The following SUPT3H variants were observed in gnomAD, a reference collection of about 807,000 sequenced individuals.
SUPT3H encodes the protein SPT3 homolog, SAGA and STAGA complex component, also known as transcription initiation protein SPT3 homolog.
SUPT3H carries 44 observed loss-of-function variants against 44.3 expected under a neutral mutation model. The observed-to-expected ratio is 0.99, with a 90% CI of 0.78 to 1.28. The LOEUF (loss-of-function observed/expected upper bound fraction) is 1.28, where lower values mean the gene tolerates loss of function less well. SUPT3H is among the 50% of genes most tolerant of loss of function. The probability of loss-of-function intolerance (pLI) is 0.00; values close to 1 mark genes in which losing one functional copy is unlikely to be tolerated. For synonymous variants in SUPT3H, 124 were observed against 125.6 expected (o/e 0.99, Z 0.09); for missense variants, 380 against 387.1 (o/e 0.98, Z 0.15).
At chr6:45,009,691 T>A (rs1424365457) in intron 5 of SUPT3H, among the ~76,000 whole-genome samples, 2 of 152,230 alleles carry the variant, frequency 1.3e-5, no homozygotes, top group Non-Finnish European at 2.9e-5. Context: ...ATGCCAGTAC[T>A]GCTCTATCGT....
intron 2 of SUPT3H, among the ~76,000 whole-genome samples, chr6:45,320,135 A>G (rs1264036884): frequency 2.6e-5 from 4 of 152,144 alleles, no homozygotes; most frequent in African/African-American, 9.6e-5. Context: ...TAACAATATT[A>G]TTAAAAAAAT....
At chr6:44,902,507 T>G (rs1049695769) in intron 10 of SUPT3H, among the ~76,000 whole-genome samples, 12 of 152,230 alleles carry the variant, frequency 7.9e-5, no homozygotes, top group Admixed American at 1.3e-4. Context: ...ATGCACCCAA[T>G]ACAGGAGCAC....
At chr6:45,061,393 C>T (rs1379048304) in intron 3 of SUPT3H, among the ~76,000 whole-genome samples, 2 of 152,086 alleles carry the variant, frequency 1.3e-5, no homozygotes, top group African/African-American at 2.4e-5. Context: ...GGGAGCCAAA[C>T]GATGAGAACA....
At chr6:45,280,464 C>A (rs923535276) in intron 2 of SUPT3H, among the ~76,000 whole-genome samples, 4 of 152,000 alleles carry the variant, frequency 2.6e-5, no homozygotes, top group African/African-American at 7.3e-5. Flanking sequence ...CAAGATCATG[C>A]CACTGCAAAA....
chr6:44,828,878 T>G lies in SUPT3H; in HGVS notation c.*938A>C, dbSNP rs1043651547. 6.6e-6 allele frequency: 1 copy of G among 152,630 alleles called. No homozygotes were observed. The highest frequency in any genetic ancestry group is 1.5e-5 in the Non-Finnish European group (1 of 68,036). The allele number at this position is 152,630 out of a possible 1,614,324, so 9.5% of individuals were successfully genotyped here. A position where few individuals can be genotyped will look rare whatever the true frequency, so the allele number is the denominator to read the frequency against. ...TTGCAACTGAAGTTTAATCAGGAAC[T>G]GTACAATTACATCTGCTATATTTTG... is the stretch of plus-strand genomic sequence containing the variant. On this transcript the variant is annotated 3_prime_UTR_variant, in exon 11 of 11. Coordinates refer to ENST00000371459, the MANE Select transcript of SUPT3H (RefSeq NM_003599.4).
intron 2 of SUPT3H, among the ~76,000 whole-genome samples, chr6:45,229,098 T>C (rs527623622): frequency 6.6e-6 from 1 of 152,308 alleles, no homozygotes; most frequent in Middle Eastern, 3.4e-3. Flanking sequence ...TAAAATCATA[T>C]ATAAAATCAA....
chr6:44,966,438 A>T (rs772168450), intron 6 of SUPT3H, among the ~76,000 whole-genome samples: 97 of 150,850 alleles, frequency 6.4e-4, no homozygotes, highest in Non-Finnish European at 1.2e-3. Context: ...TACATATTTA[A>T]AATATTTATA....
intron 10 of SUPT3H, among the ~76,000 whole-genome samples, chr6:44,855,534 G>T (rs1402813986): frequency 1.3e-5 from 2 of 152,084 alleles, no homozygotes; most frequent in Admixed American, 1.3e-4. Context: ...TCTGAAATGT[G>T]CCGTATTTGA....
chr6:45,331,640 T>A (rs1787536077), intron 2 of SUPT3H, among the ~76,000 whole-genome samples: 1 of 151,946 alleles, frequency 6.6e-6, no homozygotes, highest in Non-Finnish European at 1.5e-5. Context: ...TACAAACTGT[T>A]AAAGATTTTT....
At chr6:45,100,744 T>G (rs1359043510) in intron 3 of SUPT3H, among the ~76,000 whole-genome samples, 1 of 152,076 alleles carries the variant, frequency 6.6e-6, no homozygotes, top group Admixed American at 6.5e-5. Context: ...AAAGGGAATG[T>G]CTTACACACT....
chr6:45,197,502 G>C (rs1207661156), intron 2 of SUPT3H, among the ~76,000 whole-genome samples: 1 of 151,158 alleles, frequency 6.6e-6, no homozygotes, highest in Non-Finnish European at 1.5e-5. Context: ...TATTTGGTTG[G>C]ATGAATACTT....
At chr6:45,221,608 T>C (rs1346582675) in intron 2 of SUPT3H, among the ~76,000 whole-genome samples, 1 of 152,164 alleles carries the variant, frequency 6.6e-6, no homozygotes, top group Non-Finnish European at 1.5e-5. Context: ...ACACAGTTTA[T>C]GTTCATAGAT....
chr6:45,103,650 A>C (rs55884652), intron 3 of SUPT3H, among the ~76,000 whole-genome samples: 1 of 152,180 alleles, frequency 6.6e-6, no homozygotes, highest in Non-Finnish European at 1.5e-5. Flanking sequence ...AAGGGGCAGA[A>C]AAAGTTTGGA....
At chr6:44,920,553 C>T (rs1768526194) in intron 10 of SUPT3H, among the ~76,000 whole-genome samples, 1 of 135,044 alleles carries the variant, frequency 7.4e-6, no homozygotes, top group African/African-American at 2.8e-5. Flanking sequence ...TAGAATGGGA[C>T]CTTGTTTCTT....
At chr6:44,816,773 G>A (rs868836630) in intron 11 of SUPT3H, among the ~76,000 whole-genome samples, 20 of 151,998 alleles carry the variant, frequency 1.3e-4, no homozygotes, top group African/African-American at 3.1e-4. Flanking sequence ...TCAAAATGTC[G>A]CCAGGCACAG....
intron 2 of SUPT3H, among the ~76,000 whole-genome samples, chr6:45,295,066 C>A (rs4341001): frequency 6.6e-6 from 1 of 151,750 alleles, no homozygotes; most frequent in East Asian, 1.9e-4. Flanking sequence ...AAAGAATAAA[C>A]CTGGAGGCAT....
intron 2 of SUPT3H, among the ~76,000 whole-genome samples, chr6:45,244,850 A>G (rs886501443): frequency 1.1e-4 from 17 of 152,168 alleles, no homozygotes; most frequent in African/African-American, 3.9e-4. Context: ...TTTCTTGAGA[A>G]TAAAGTTTTC....
intron 2 of SUPT3H, among the ~76,000 whole-genome samples, chr6:45,177,234 G>A (rs1812117496): frequency 6.6e-6 from 1 of 152,208 alleles, no homozygotes; most frequent in South Asian, 2.1e-4. Flanking sequence ...AGGAGCTGAT[G>A]GAGCTGAAAA....
intron 10 of SUPT3H, among the ~76,000 whole-genome samples, chr6:44,919,682 C>T (rs1768353150): frequency 1.3e-5 from 2 of 152,120 alleles, no homozygotes; most frequent in Admixed American, 1.3e-4. Flanking sequence ...TCTTCTCTCA[C>T]TCAGGGTCTT....
Sources: gnomAD v4.1 joint callset for allele counts (sites outside exome capture counted in the v4.1 genomes callset) on GRCh38, gnomAD v4.1.1 for gene constraint, MANE v1.5 for transcripts, NCBI Gene and HGNC (gene_info 2026-07-23, HGNC 2026-07-21) for gene names.